BCOR: variants seen among roughly 807,000 people sequenced by gnomAD.
BCOR encodes the protein BCL6 corepressor.
A neutral mutation model predicts 86.7 loss-of-function variants in BCOR; 10 were observed. The observed-to-expected ratio is 0.12, with a 90% CI of 0.07 to 0.20. BCOR has a LOEUF of 0.20. Ranked by LOEUF, BCOR falls within the 10% of genes least tolerant of loss-of-function variation. The pLI, the probability that BCOR is intolerant of heterozygous loss-of-function variation, is 1.00. For synonymous variants in BCOR, 611 were observed against 609.0 expected, an observed-to-expected ratio of 1.00 and a Z score of -0.05; for missense variants, 1,259 against 1,452.1, an observed-to-expected ratio of 0.87 and a Z score of 2.16.
At chrX:40,161,974 T>G (rs1324746469) in intron 1 of BCOR, among the ~76,000 whole-genome samples, 1 of 111,656 alleles carries the variant, frequency 9.0e-6, no homozygotes, top group African/African-American at 3.3e-5. Context: ...AGGGTGACAC[T>G]CCTGTCCTTC....
At chrX:40,139,367 AATAT>A (rs751360179) in intron 1 of BCOR, among the ~76,000 whole-genome samples, 1 of 50,585 alleles carries the variant, frequency 2.0e-5, no homozygotes, top group Non-Finnish European at 4.1e-5. Flanking sequence ...TAAAATTTAA[AATAT>A]ATATATATAT....
intron 1 of BCOR, among the ~76,000 whole-genome samples, chrX:40,155,464 G>A (rs1602271792): frequency 9.0e-6 from 1 of 111,232 alleles, no homozygotes; most frequent in African/African-American, 3.3e-5. Flanking sequence ...CAGGAAGGGG[G>A]TGGGGAGCAG....
At chrX:40,105,965 A>G (rs776514835) in intron 1 of BCOR, among the ~76,000 whole-genome samples, 3 of 112,416 alleles carry the variant, frequency 2.7e-5, no homozygotes, top group East Asian at 2.8e-4. Flanking sequence ...AGACACACTC[A>G]TCTCCCCCTC....
At chrX:40,112,217 C>A (rs1278566154) in intron 1 of BCOR, among the ~76,000 whole-genome samples, 3 of 111,172 alleles carry the variant, frequency 2.7e-5, no homozygotes, top group Non-Finnish European at 5.7e-5. Flanking sequence ...TTGCCTTGGG[C>A]CTGGATCCTC....
chrX:40,157,576 T>TTTATG (rs1938324296), intron 1 of BCOR, among the ~76,000 whole-genome samples: 2 of 112,551 alleles, frequency 1.8e-5, no homozygotes, highest in African/African-American at 3.2e-5. Context: ...ACATGCAAAC[T>TTTATG]TTGGTTGGAA....
intron 1 of BCOR, among the ~76,000 whole-genome samples, chrX:40,078,487 G>A (rs969632380): frequency 3.6e-5 from 4 of 111,647 alleles, no homozygotes; most frequent in South Asian, 3.7e-4. Context: ...AACTACCTGC[G>A]TTTCTAGGGC....
intron 1 of BCOR, 87 bp from the exon 2 acceptor site, chrX:40,078,056 T>A: frequency 1.8e-6 from 1 of 563,942 alleles, no homozygotes. Flanking sequence ...TCTAGGTGAT[T>A]CATAAAGGAT....
chrX:40,133,863 C>T (rs1176337671), intron 1 of BCOR, among the ~76,000 whole-genome samples: 2 of 111,096 alleles, frequency 1.8e-5, no homozygotes, highest in African/African-American at 3.3e-5. Context: ...TAAGTACACT[C>T]ATGTGTATTA....
At chrX:40,089,020 G>C (rs1248355882) in intron 1 of BCOR, among the ~76,000 whole-genome samples, 1 of 111,812 alleles carries the variant, frequency 8.9e-6, no homozygotes, top group Admixed American at 9.4e-5. Flanking sequence ...AAAGGGAAAG[G>C]GGAACCCAGG....
At chrX:40,142,410 G>A (rs1937940152) in intron 1 of BCOR, among the ~76,000 whole-genome samples, 1 of 112,173 alleles carries the variant, frequency 8.9e-6, no homozygotes, top group Non-Finnish European at 1.9e-5. Flanking sequence ...TTTAGCTTCA[G>A]GTTGGGTCAC....
Position 40,064,587 on chromosome X carries a change from A to G in BCOR, c.3251T>C (p.Val1084Ala). ...QNESERCEYS[V>A]GNKHRDPFEA... ...AAAGGGATCACGGTGCTTGTTTCCAACACTATACTCGCCTGGGGGAGGGGA... is the reference window on the plus strand; with the variant it reads ...AAAGGGATCACGGTGCTTGTTTCCAGCACTATACTCGCCTGGGGGAGGGGA... The change falls in exon 7 of 15, where the codon GTT (valine) becomes GCT (alanine). Residue 1084 changes from valine to alanine, a missense_variant. This residue lies in a region of BCOR where 305 missense variants were observed against 286.1 expected (regional missense o/e 1.07). Coordinates refer to ENST00000378444, the MANE Select transcript of BCOR (RefSeq NM_001123385.2). 2 of 1,211,321 alleles carry G rather than the reference A, an allele frequency of 1.7e-6. No homozygotes were observed. The highest frequency in any genetic ancestry group is 1.8e-5 in the South Asian group (1 of 56,956).
At chrX:40,098,162 C>T (rs1936986073), upstream of BCOR, among the ~76,000 whole-genome samples, 1 of 108,319 alleles carries the variant, frequency 9.2e-6, no homozygotes, top group East Asian at 3.0e-4. Flanking sequence ...TGAGCTCCGC[C>T]AGTCTCCGCT....
At chrX:40,055,159 A>C (rs745529166) in intron 12 of BCOR, among the ~76,000 whole-genome samples, 13 of 112,513 alleles carry the variant, frequency 1.2e-4, no homozygotes, top group Non-Finnish European at 2.4e-4. Context: ...GAATAACTTT[A>C]GGAAATCTTT....
intron 1 of BCOR, among the ~76,000 whole-genome samples, chrX:40,160,830 ATTT>A (rs776054747): frequency 3.2e-5 from 3 of 92,375 alleles, no homozygotes; most frequent in Non-Finnish European, 4.3e-5. Flanking sequence ...CGCCCGGCTA[ATTT>A]TTTTTTTTTT....
intron 1 of BCOR, among the ~76,000 whole-genome samples, chrX:40,096,184 C>T (rs1936857920): frequency 8.9e-6 from 1 of 112,468 alleles, no homozygotes; most frequent in African/African-American, 3.2e-5. Context: ...TGCCACACGC[C>T]CTCCGAGTGG....
At chrX:40,165,291 C>A (rs1408575746) in intron 1 of BCOR, among the ~76,000 whole-genome samples, 1 of 111,904 alleles carries the variant, frequency 8.9e-6, no homozygotes, top group African/African-American at 3.2e-5. Flanking sequence ...CCCCGCCCTG[C>A]CAAATGCCAG....
intron 1 of BCOR, among the ~76,000 whole-genome samples, chrX:40,093,516 T>A (rs1936710704): frequency 8.9e-6 from 1 of 111,854 alleles, no homozygotes; most frequent in African/African-American, 3.3e-5. Flanking sequence ...CAGAGGTGTA[T>A]TAAAATTTTA....
intron 1 of BCOR, among the ~76,000 whole-genome samples, chrX:40,119,500 C>A (rs756015320): frequency 9.0e-6 from 1 of 110,945 alleles, no homozygotes; most frequent in Non-Finnish European, 1.9e-5. Flanking sequence ...TGGTGAAACC[C>A]CATCTCTACA....
intron 1 of BCOR, among the ~76,000 whole-genome samples, chrX:40,110,946 C>G (rs1220365747): frequency 9.1e-6 from 1 of 109,902 alleles, no homozygotes; most frequent in Non-Finnish European, 1.9e-5. Flanking sequence ...CTCCTGACCT[C>G]AGGTGATCCA....
Sources: allele counts gnomAD v4.1 joint callset (sites outside exome capture counted in the v4.1 genomes callset), GRCh38; gene constraint gnomAD v4.1.1; regional missense constraint gnomAD v4.1.1; transcripts MANE v1.5; gene names NCBI Gene and HGNC (gene_info 2026-07-23, HGNC 2026-07-21).